EXOC4: variants seen among roughly 807,000 people sequenced by gnomAD.
EXOC4 encodes exocyst complex component 4.
Under a neutral mutation model 107.2 loss-of-function variants are expected in EXOC4, and 71 were observed. That is an observed-to-expected ratio of 0.66 (90% CI 0.55 to 0.81). The LOEUF (loss-of-function observed/expected upper bound fraction) is 0.81, where lower values mean the gene tolerates loss of function less well. EXOC4 is among the 30% of genes least tolerant of loss of function. The pLI is 0.00. For synonymous variants in EXOC4, 456 were observed against 441.2 expected, an observed-to-expected ratio of 1.03 and a Z score of -0.42; for missense variants, 1,108 against 1,189.6, an observed-to-expected ratio of 0.93 and a Z score of 1.01.
chr7:133,547,214 G>A (rs1441827137), intron 9 of EXOC4, among the ~76,000 whole-genome samples: 1 of 152,132 alleles, frequency 6.6e-6, no homozygotes, highest in East Asian at 1.9e-4. Flanking sequence ...TAAAAGTTAT[G>A]TTTACACTAT....
chr7:134,015,576 T>G (rs1794885709), intron 17 of EXOC4, among the ~76,000 whole-genome samples: 1 of 152,106 alleles, frequency 6.6e-6, no homozygotes, highest in African/African-American at 2.4e-5. Context: ...GGAAGGTGAT[T>G]GCTAAGAAAG....
chr7:134,008,603 G>A (rs1794697291), intron 17 of EXOC4, among the ~76,000 whole-genome samples: 1 of 152,012 alleles, frequency 6.6e-6, no homozygotes, highest in African/African-American at 2.4e-5. Context: ...GGAGGAAAGT[G>A]AGAACTCATC....
the EXOC4 span, among the ~76,000 whole-genome samples, chr7:134,084,159 T>C: frequency 6.6e-6 from 1 of 152,186 alleles, no homozygotes; most frequent in South Asian, 2.1e-4. Flanking sequence ...TCCAAGGGTG[T>C]GGAGTTTCTA....
intron 10 of EXOC4, among the ~76,000 whole-genome samples, chr7:133,694,259 C>A (rs1160346552): frequency 4.2e-5 from 5 of 120,154 alleles, no homozygotes; most frequent in African/African-American, 1.3e-4. Flanking sequence ...GATTCCTTCT[C>A]AAAAAAAAAA....
chr7:133,642,106 G>C (rs1039558364), intron 10 of EXOC4, among the ~76,000 whole-genome samples: 1 of 152,092 alleles, frequency 6.6e-6, no homozygotes, highest in Non-Finnish European at 1.5e-5. Flanking sequence ...TATTTAAACT[G>C]AATTTTGGGG....
chr7:133,485,199 G>A (rs1409596097), intron 9 of EXOC4, among the ~76,000 whole-genome samples: 1 of 151,582 alleles, frequency 6.6e-6, no homozygotes, highest in Non-Finnish European at 1.5e-5. Flanking sequence ...CATCTACTTC[G>A]TTACTTCCCA....
intron 9 of EXOC4, among the ~76,000 whole-genome samples, chr7:133,629,298 A>G (rs1802529582): frequency 6.6e-6 from 1 of 152,162 alleles, no homozygotes; most frequent in Non-Finnish European, 1.5e-5. Flanking sequence ...AGTTAGGCTT[A>G]TATGAATCTC....
intron 7 of EXOC4, among the ~76,000 whole-genome samples, chr7:133,457,205 G>A (rs1798483313): frequency 6.6e-6 from 1 of 152,192 alleles, no homozygotes; most frequent in Admixed American, 6.5e-5. Flanking sequence ...GTTGGAATGA[G>A]CTTACTTAAT....
intron 10 of EXOC4, 74 bp from the exon 11 acceptor site, chr7:133,817,251 C>T: frequency 8.9e-6 from 9 of 1,016,200 alleles, no homozygotes; most frequent in South Asian, 7.1e-5. Flanking sequence ...ACTAGATATA[C>T]TCATGTCCTC....
At chr7:133,557,657 A>C (rs562011873) in intron 9 of EXOC4, among the ~76,000 whole-genome samples, 71 of 152,298 alleles carry the variant, frequency 4.7e-4, no homozygotes, top group Non-Finnish European at 8.8e-4. Context: ...TTCTGATCCT[A>C]AATGCACAAA....
intron 10 of EXOC4, among the ~76,000 whole-genome samples, chr7:133,810,604 T>G: frequency 7.2e-6 from 1 of 138,948 alleles, no homozygotes; most frequent in South Asian, 2.2e-4. Flanking sequence ...TGCTTTATTT[T>G]ATTTTATTTT....
chr7:133,537,339 G>A (rs1013951415), intron 9 of EXOC4, among the ~76,000 whole-genome samples: 3 of 74,742 alleles, frequency 4.0e-5, no homozygotes, highest in African/African-American at 6.4e-5. Context: ...TGTATTTTTA[G>A]TAGACATGGG....
chr7:133,728,971 A>G (rs1019622785), intron 10 of EXOC4, among the ~76,000 whole-genome samples: 3 of 152,156 alleles, frequency 2.0e-5, no homozygotes, highest in Admixed American at 6.5e-5. Context: ...CTGTGACAGT[A>G]TATACTGGGG....
chr7:133,866,776 G>C (rs73155128), intron 11 of EXOC4, among the ~76,000 whole-genome samples: 17,397 of 152,116 alleles, frequency 0.11, 1,104 homozygotes, highest in Middle Eastern at 0.14. Context: ...TATATATAAG[G>C]TGTACAATGT....
Position 133,515,867 on chromosome 7 carries a change from T to TA in EXOC4, c.1417+35730dup, listed in dbSNP as rs368430951. 9.4e-4 allele frequency among the ~76,000 whole-genome samples: 143 copies of TA among 152,300 alleles called. 2 individuals are homozygous for TA. Among genetic ancestry groups the TA allele is most frequent in the African/African-American group, 3.2e-3 (134 of 41,554 alleles). On this transcript the variant is annotated intron_variant, in intron 9 of 17. Coordinates refer to ENST00000253861, the MANE Select transcript of EXOC4 (RefSeq NM_021807.4). ...AGAATTCACCAACAACATCTCTTCT[T>TA]ATATAGTCATTCTTTATAGTCATTA...
At chr7:133,287,742 G>T (rs1794314782) in intron 2 of EXOC4, among the ~76,000 whole-genome samples, 1 of 152,182 alleles carries the variant, frequency 6.6e-6, no homozygotes, top group South Asian at 2.1e-4. Flanking sequence ...GCTTTCTCAA[G>T]AAATCTTTTA....
At position 133,694,797 on chromosome 7, in the gene EXOC4, A is replaced by T. The variant is rs189584648; in HGVS notation, c.1514+64656A>T. Among the ~76,000 whole-genome samples, 14 of 152,166 alleles carry T rather than the reference A, an allele frequency of 9.2e-5. No homozygotes were observed. The East Asian group carries it at 2.5e-3, about 27-fold the overall frequency. The stretch of plus-strand genomic sequence containing the variant: ...ACCCTATTGCACCATCATACTCTAG[A>T]TCTTATTCCTTTTAACTGCATTTTT... On this transcript the variant is annotated intron_variant, in intron 10 of 17. Coordinates refer to ENST00000253861, the MANE Select transcript of EXOC4 (RefSeq NM_021807.4).
chr7:134,013,663 C>T (rs1794825865), intron 17 of EXOC4, among the ~76,000 whole-genome samples: 1 of 152,140 alleles, frequency 6.6e-6, no homozygotes, highest in Admixed American at 6.5e-5. Context: ...CTCAATTTTT[C>T]TGTGAATCCA....
chr7:133,295,066 G>A (rs1474381732), intron 3 of EXOC4, among the ~76,000 whole-genome samples: 3 of 151,992 alleles, frequency 2.0e-5, no homozygotes, highest in African/African-American at 7.2e-5. Context: ...ATTTATAATC[G>A]ATAAATTTTA....
Sources: gnomAD v4.1 joint callset for allele counts (sites outside exome capture counted in the v4.1 genomes callset) on GRCh38, gnomAD v4.1.1 for gene constraint, MANE v1.5 for transcripts, NCBI Gene and HGNC (gene_info 2026-07-23, HGNC 2026-07-21) for gene names.